The following DHCR24 variants were observed in gnomAD, a reference collection of about 807,000 sequenced individuals.
The protein encoded by DHCR24 is 24-dehydrocholesterol reductase.
Under a neutral mutation model 61.2 loss-of-function variants are expected in DHCR24, and 28 were observed. That is an observed-to-expected ratio of 0.46 (90% CI 0.34 to 0.63). The LOEUF is 0.63. Among genes scored for constraint, DHCR24 ranks in the 20% least tolerant of loss-of-function variants. The probability of loss-of-function intolerance (pLI) is 0.01; values close to 1 mark genes in which losing one functional copy is unlikely to be tolerated. For missense variants in DHCR24, 538 were observed against 679.1 expected (o/e 0.79, Z 2.31); for synonymous variants, 261 against 275.9 (o/e 0.95, Z 0.54).
chr1:54,883,755 G>A lies in DHCR24; in HGVS notation c.250C>T (p.Gln84Ter). Residue 84 changes from glutamine to a stop codon, truncating the protein, a stop_gained, in exon 2 of 9, where the codon CAG becomes TAG. Transcript: ENST00000371269. LOFTEE classifies it high-confidence loss of function. This position sits in a 1 kb window ranked among gnomAD's most constrained non-coding sequence, Gnocchi z 4.3. Reference protein sequence around the residue: ...IQKQVREWKEQGSKTFMCTGR... With the variant: ...IQKQVREWKE ...GTGCACATGAAGGTCTTGCTACCCT[G>A]CTCCTTCCATTCCCGCACCTGCAAC... 1 of 1,614,188 alleles carries A rather than the reference G, an allele frequency of 6.2e-7. No individual in the cohort carries two copies. The highest frequency in any genetic ancestry group is 8.5e-7 in the Non-Finnish European group (1 of 1,180,048).
Position 54,865,403 on chromosome 1 carries a change from T to G in DHCR24, c.920A>C (p.His307Pro), listed in dbSNP as rs1463564704. 6.2e-7 allele frequency: 1 copy of G among 1,614,172 alleles called. No individual in the cohort carries two copies. Among genetic ancestry groups the G allele is most frequent in the Admixed American group, 1.7e-5 (1 of 60,030 alleles). ...GNYYKPWFFK[H>P]VENYLKTNRE... ...GTTTGTCTTCAGATAGTTCTCCACATGCTTAAAGAACCACGGCTTGTAGTA... is the reference window on the plus strand; with the variant it reads ...GTTTGTCTTCAGATAGTTCTCCACAGGCTTAAAGAACCACGGCTTGTAGTA... Residue 307 changes from histidine to proline, a missense_variant, in exon 6 of 9, where the codon CAT becomes CCT. Transcript: ENST00000371269.
In DHCR24 at chr1:54,864,444, G is replaced by T. The variant is rs76211838; in HGVS notation, c.1020+859C>A. On this transcript the variant is annotated intron_variant, in intron 6 of 8. Coordinates refer to ENST00000371269, the MANE Select transcript of DHCR24 (RefSeq NM_014762.4). ...AAGCCAGTCACAAAAGGCACATACT[G>T]AATGATTCCATATATGTGAAATATC... Among the ~76,000 whole-genome samples, 796 of 152,324 alleles carry T rather than the reference G, an allele frequency of 5.2e-3. 9 individuals carry two copies. Among genetic ancestry groups the T allele is most frequent in the African/African-American group, 0.018 (757 of 41,570 alleles).
rs1646878181 is a variant in DHCR24 at position 54,852,077 on chromosome 1, C to G, written c.*156G>C. 2.4e-6 allele frequency: 2 copies of G among 844,150 alleles called. No individual in the cohort carries two copies. The highest frequency in any genetic ancestry group is 1.7e-5 in the South Asian group (1 of 59,044). 52.3% of individuals were successfully genotyped at this position (844,150 alleles called of 1,614,324 possible). ...TTCTTTCCATTCCACTGGGCTGCCC[C>G]CTGGAAGCCAGGAGGAAGGTGGTGT... On this transcript the variant is annotated 3_prime_UTR_variant, in exon 9 of 9. Coordinates refer to ENST00000371269, the MANE Select transcript of DHCR24 (RefSeq NM_014762.4).
intron 6 of DHCR24, among the ~76,000 whole-genome samples, chr1:54,865,041 G>C (rs528457934): frequency 6.6e-6 from 1 of 152,186 alleles, no homozygotes; most frequent in Non-Finnish European, 1.5e-5. Context: ...GGCGGAACAG[G>C]TCTGTGTTCC....
chr1:54,875,817 C>CTGAA (rs1647025670), intron 3 of DHCR24, 125 bp downstream of exon 3: 1 of 773,618 alleles, frequency 1.3e-6, no homozygotes, highest in Admixed American at 2.0e-5. Context: ...AAGTAAGAGA[C>CTGAA]TGAATGACTT....
At chr1:54,855,831 A>T (rs1646904618) in intron 6 of DHCR24, among the ~76,000 whole-genome samples, 1 of 152,126 alleles carries the variant, frequency 6.6e-6, no homozygotes, top group Non-Finnish European at 1.5e-5. Context: ...AGACCTACAC[A>T]TGCCCACAGC....
At chr1:54,855,969 G>A (rs1250495683) in intron 6 of DHCR24, among the ~76,000 whole-genome samples, 3 of 147,858 alleles carry the variant, frequency 2.0e-5, no homozygotes, top group Non-Finnish European at 4.5e-5. Flanking sequence ...GGCAAGCATT[G>A]GTAAGAATGA....
chr1:54,875,954 C>A lies in DHCR24; in HGVS notation c.481G>T (p.Asp161Tyr). ...ATAGGGTCCTCACCCACTGTGAGGTCATCAAGCTCAGGCAACACGGGGAGA... is the reference window on the plus strand; with the variant it reads ...ATAGGGTCCTCACCCACTGTGAGGTAATCAAGCTCAGGCAACACGGGGAGA... The part of the protein sequence containing the change: ...WTLPVLPELD[D>Y]LTVGGLIMGT... Residue 161 changes from aspartate (D) to tyrosine (Y), a missense_variant, in exon 3 of 9, where the codon GAC becomes TAC. Asp to Tyr is a radical substitution (Grantham distance 160). Coordinates refer to ENST00000371269, the MANE Select transcript of DHCR24 (RefSeq NM_014762.4). The A allele has an allele frequency of 6.2e-7, 1 of 1,613,858 alleles. No homozygotes were observed. The highest frequency in any genetic ancestry group is 1.1e-5 in the South Asian group (1 of 91,050).
rs145270225 is a variant in DHCR24, at chr1:54,865,009, T to TAG, written c.1020+292_1020+293dup. ...CAGGGATCTGTCTGCTCACCGTGGC[T>TAG]AGAGGCTAACCCTTCCTCAAGGGCG... On this transcript the variant is annotated intron_variant, in intron 6 of 8. Transcript: ENST00000371269. Among the ~76,000 whole-genome samples, 34 of 152,310 alleles carry TAG rather than the reference T, an allele frequency of 2.2e-4. No homozygotes were observed. The East Asian group carries it at 6.2e-3, about 28-fold the overall frequency.
At chr1:54,859,866 C>T (rs1207789321) in intron 6 of DHCR24, among the ~76,000 whole-genome samples, 1 of 152,208 alleles carries the variant, frequency 6.6e-6, no homozygotes, top group African/African-American at 2.4e-5. Context: ...TCCTCTTTCA[C>T]TAGTTCCTCT....
Position 54,853,523 on chromosome 1 carries a change from G to A in DHCR24, c.1308C>T (p.Asp436=). Reference sequence around the variant, plus strand: ...CACGCGGCTCCCCATATGCTCCAATGTCGATGTAGAGCTCTGCCTCATTTC... The same window carrying A: ...CACGCGGCTCCCCATATGCTCCAATATCGATGTAGAGCTCTGCCTCATTTC... ...PKGNEAELYI[D]IGAYGEPRVK... Residue 436 remains aspartate (D), a synonymous_variant, in exon 8 of 9, where the codon GAC becomes GAT. Coordinates refer to ENST00000371269, the MANE Select transcript of DHCR24 (RefSeq NM_014762.4). 6.2e-7 allele frequency: 1 copy of A among 1,614,220 alleles called. No individual in the cohort carries two copies. The highest frequency in any genetic ancestry group is 8.5e-7 in the Non-Finnish European group (1 of 1,180,038).
rs528543882 is a variant in DHCR24, at chr1:54,877,607, T to A, written c.388-1560A>T. Among the ~76,000 whole-genome samples, 219 of 151,704 alleles carry A rather than the reference T, an allele frequency of 1.4e-3. 2 individuals carry two copies. Among genetic ancestry groups the A allele is most frequent in the African/African-American group, 5.1e-3 (209 of 41,312 alleles). ...CTAAAAATAAAAAAATAAAAAATTA[T>A]TTTAAAAAAAGGTGAGCTCTAGGGA... On this transcript the variant is annotated intron_variant, in intron 2 of 8. Coordinates refer to ENST00000371269, the MANE Select transcript of DHCR24 (RefSeq NM_014762.4).
At chr1:54,858,996 G>A (rs1646921997) in intron 6 of DHCR24, among the ~76,000 whole-genome samples, 1 of 152,146 alleles carries the variant, frequency 6.6e-6, no homozygotes, top group African/African-American at 2.4e-5. Flanking sequence ...AAGAAGTGGA[G>A]CTCAGTGCCC....
At chr1:54,857,031 GT>G (rs1432634904) in intron 6 of DHCR24, among the ~76,000 whole-genome samples, 2 of 152,176 alleles carry the variant, frequency 1.3e-5, no homozygotes, top group African/African-American at 4.8e-5. Flanking sequence ...AGCCATTTGT[GT>G]TTTTTTCCTA....
chr1:54,884,198 A>T (rs1487267264), intron 1 of DHCR24, among the ~76,000 whole-genome samples: 8 of 151,992 alleles, frequency 5.3e-5, no homozygotes, highest in Admixed American at 5.2e-4. Context: ...CCTTTTTTCG[A>T]GGATAAGGAA....
chr1:54,886,709 T>C, intron 1 of DHCR24, 180 bp downstream of exon 1: 2 of 1,464,892 alleles, frequency 1.4e-6, no homozygotes, highest in Non-Finnish European at 1.8e-6. Context: ...TTGCCTGTTC[T>C]GTTCCCCCGC....
chr1:54,853,699 A>G (rs1398691112), intron 7 of DHCR24, 87 bp from the exon 8 acceptor site: 20 of 1,442,694 alleles, frequency 1.4e-5, no homozygotes, highest in Non-Finnish European at 1.7e-5. Context: ...CACCCAAATG[A>G]AGGCTTTGCA....
intron 2 of DHCR24, among the ~76,000 whole-genome samples, chr1:54,879,490 GAA>G (rs1490962176): frequency 1.3e-5 from 2 of 152,094 alleles, no homozygotes. Context: ...CAACCAAAAT[GAA>G]AGAGAGGAAA....
At chr1:54,884,303 G>C (rs983821033) in intron 1 of DHCR24, among the ~76,000 whole-genome samples, 1 of 152,224 alleles carries the variant, frequency 6.6e-6, no homozygotes, top group African/African-American at 2.4e-5. Context: ...GGACAGGAAA[G>C]ATAGATGGAG....
Sources: gnomAD v4.1 joint callset for allele counts (sites outside exome capture counted in the v4.1 genomes callset) on GRCh38, gnomAD v4.1.1 for gene constraint, Gnocchi (gnomAD v3.1) non-coding constraint, MANE v1.5 for transcripts, NCBI Gene and HGNC (gene_info 2026-07-23, HGNC 2026-07-21) for gene names.